Variants in NRXN3 observed in about 807,000 individuals in gnomAD.
NRXN3 encodes neurexin III.
In NRXN3, 32 loss-of-function variants were observed where a neutral mutation model predicts 137.6. The ratio of observed to expected loss-of-function variants is 0.23; its 90% confidence interval spans 0.18 to 0.31. NRXN3 has a LOEUF of 0.31. NRXN3 is among the 10% of genes least tolerant of loss of function. NRXN3 has a pLI of 1.00. For missense variants in NRXN3, 1,574 were observed against 2,062.5 expected, an observed-to-expected ratio of 0.76 and a Z score of 4.59; for synonymous variants, 798 against 784.5, an observed-to-expected ratio of 1.02 and a Z score of -0.29.
intron 15 of NRXN3, among the ~76,000 whole-genome samples, chr14:79,200,752 AT>A (rs954577253): frequency 1.3e-5 from 2 of 150,622 alleles, no homozygotes; most frequent in Non-Finnish European, 2.9e-5. Context: ...CTGTTCTGAT[AT>A]TCAATGGCAC....
intron 10 of NRXN3, among the ~76,000 whole-genome samples, chr14:78,945,811 C>T (rs1597730857): frequency 6.6e-6 from 1 of 152,300 alleles, no homozygotes. Flanking sequence ...TTCTTCATGC[C>T]TCTTCATTTC....
At chr14:79,419,563 C>T (rs2095546143) in intron 15 of NRXN3, among the ~76,000 whole-genome samples, 2 of 151,964 alleles carry the variant, frequency 1.3e-5, no homozygotes, top group Middle Eastern at 3.4e-3. Flanking sequence ...TATTAGATGT[C>T]ATCAAGAGTC....
rs1428598518 is a variant in NRXN3, at chr14:79,614,999, A to G, written c.3445-48779A>G. Among the ~76,000 whole-genome samples the G allele has an allele frequency of 2.6e-5, 4 of 152,336 alleles. No homozygotes were observed. The South Asian group carries it at 8.3e-4, about 32-fold the overall frequency. ...AGGCTGGGTCTTCTCTTGGAAGATG[A>G]CAGACTGAGTCCCACAGTGCCTCAC... On this transcript the variant is annotated intron_variant, in intron 16 of 20. Transcript: ENST00000335750.
At chr14:79,126,669 T>C (rs1253686620) in intron 15 of NRXN3, among the ~76,000 whole-genome samples, 1 of 151,964 alleles carries the variant, frequency 6.6e-6, no homozygotes, top group Non-Finnish European at 1.5e-5. Flanking sequence ...GCATGATTTA[T>C]AGTCCTTTGG....
intron 4 of NRXN3, among the ~76,000 whole-genome samples, chr14:78,590,196 A>C (rs920754437): frequency 4.6e-5 from 7 of 152,122 alleles, no homozygotes; most frequent in African/African-American, 1.7e-4. Flanking sequence ...ATTTCTCTAC[A>C]AGGATTCATG....
intron 15 of NRXN3, among the ~76,000 whole-genome samples, chr14:79,327,125 G>A (rs966888049): frequency 6.6e-6 from 1 of 152,130 alleles, no homozygotes; most frequent in Non-Finnish European, 1.5e-5. Flanking sequence ...CAGAATGACA[G>A]CTCAGGGAAA....
chr14:79,169,828 G>A lies in NRXN3; in HGVS notation c.3262+181687G>A, dbSNP rs188584047. On this transcript the variant is annotated intron_variant, in intron 15 of 20. Coordinates refer to ENST00000335750, the MANE Select transcript of NRXN3 (RefSeq NM_001330195.2). ...GCCCAGGTAAGGAAGAAGAATTAGG[G>A]AAGACACACCAGTGGGAGGTTGCCT... 3.9e-5 allele frequency among the ~76,000 whole-genome samples: 6 copies of A among 152,196 alleles called. No individual in the cohort carries two copies. The East Asian group carries it at 1.2e-3, about 29-fold the overall frequency.
intron 4 of NRXN3, among the ~76,000 whole-genome samples, chr14:78,442,356 G>A (rs2094287871): frequency 6.6e-6 from 1 of 152,068 alleles, no homozygotes; most frequent in Non-Finnish European, 1.5e-5. Flanking sequence ...GATGGAGACA[G>A]AGATGAGAAC....
chr14:78,944,336 G>A (rs1371949506), intron 10 of NRXN3, among the ~76,000 whole-genome samples: 3 of 152,186 alleles, frequency 2.0e-5, no homozygotes, highest in African/African-American at 7.2e-5. Context: ...TAGGTGCAGG[G>A]ACTCAGGATT....
intron 15 of NRXN3, among the ~76,000 whole-genome samples, chr14:79,284,175 C>G (rs1025762416): frequency 2.7e-5 from 4 of 149,524 alleles, no homozygotes; most frequent in African/African-American, 9.8e-5. Context: ...TTTTTTCCCT[C>G]TCTCTCTTAA....
intron 20 of NRXN3, among the ~76,000 whole-genome samples, chr14:79,827,978 G>T (rs912183355): frequency 1.3e-5 from 2 of 152,082 alleles, no homozygotes; most frequent in African/African-American, 4.8e-5. Flanking sequence ...TTACAGGCGT[G>T]AGCCACAGCA....
At chr14:78,367,213 C>T (rs186692113) in intron 4 of NRXN3, among the ~76,000 whole-genome samples, 1 of 152,206 alleles carries the variant, frequency 6.6e-6, no homozygotes, top group African/African-American at 2.4e-5. Flanking sequence ...TAAAAATGTG[C>T]ATCTCTCAAA....
intron 15 of NRXN3, among the ~76,000 whole-genome samples, chr14:79,277,515 T>A (rs930221621): frequency 6.6e-6 from 1 of 152,232 alleles, no homozygotes; most frequent in Admixed American, 6.5e-5. Context: ...GTTCTTCACC[T>A]TTTTAGAGCT....
chr14:79,840,211 C>T (rs1368043335), intron 20 of NRXN3, among the ~76,000 whole-genome samples: 1 of 152,078 alleles, frequency 6.6e-6, no homozygotes, highest in Non-Finnish European at 1.5e-5. Flanking sequence ...AAAGAGCAAA[C>T]ATAATGAAGT....
intron 16 of NRXN3, among the ~76,000 whole-genome samples, chr14:79,614,215 G>T (rs1039312169): frequency 6.6e-6 from 1 of 152,190 alleles, no homozygotes; most frequent in Non-Finnish European, 1.5e-5. Context: ...CATATACAAA[G>T]TGTTTGAAGT....
At chr14:78,381,059 CT>C (rs1434071578) in intron 4 of NRXN3, among the ~76,000 whole-genome samples, 1 of 152,138 alleles carries the variant, frequency 6.6e-6, no homozygotes, top group African/African-American at 2.4e-5. Flanking sequence ...GAAAAGGTAG[CT>C]TTTTCAACAG....
chr14:79,708,121 T>G (rs953555681), intron 19 of NRXN3, among the ~76,000 whole-genome samples: 2 of 69,212 alleles, frequency 2.9e-5, no homozygotes, highest in Admixed American at 3.3e-4. Context: ...TGGGATTGCA[T>G]CTGCATTCAA....
In NRXN3 at chr14:79,663,896, G is replaced by T. The variant is rs2098546035; in HGVS notation, c.3563G>T (p.Gly1188Val). Residue 1188 changes from glycine to valine, a missense_variant, in exon 17 of 21, where the codon GGC becomes GTC. Physicochemically the swap from Gly to Val is moderately radical, Grantham distance 109 (BLOSUM62 -3). This residue lies in a region of NRXN3 where 133 missense variants were observed against 241.8 expected (regional missense o/e 0.55). Transcript: ENST00000335750. ...GTGGTACGCTTCACCAGGAACGGCGGCAACGCCACCCTGCAGGTGGACAAC... is the reference window on the plus strand; with the variant it reads ...GTGGTACGCTTCACCAGGAACGGCGTCAACGCCACCCTGCAGGTGGACAAC... Reference protein sequence around the residue: ...YHVVRFTRNGGNATLQVDNWP... With the variant: ...YHVVRFTRNGVNATLQVDNWP... The T allele has an allele frequency of 6.2e-7, 1 of 1,613,556 alleles. No homozygotes were observed. The highest frequency in any genetic ancestry group is 1.3e-5 in the African/African-American group (1 of 75,006).
At chr14:78,936,580 A>G (rs953253297) in intron 10 of NRXN3, among the ~76,000 whole-genome samples, 6 of 152,226 alleles carry the variant, frequency 3.9e-5, no homozygotes, top group Non-Finnish European at 8.8e-5. Context: ...AGGATAATGT[A>G]TATGTTGCTT....
Sources: gnomAD v4.1 joint callset for allele counts (sites outside exome capture counted in the v4.1 genomes callset) on GRCh38, gnomAD v4.1.1 for gene constraint, gnomAD v4.1.1 regional missense constraint, MANE v1.5 for transcripts, NCBI Gene and HGNC (gene_info 2026-07-23, HGNC 2026-07-21) for gene names.